The following CCDC148 variants were observed in gnomAD, a reference collection of about 807,000 sequenced individuals.
CCDC148 encodes coiled-coil domain containing 148.
In CCDC148, 89 loss-of-function variants were observed where a neutral mutation model predicts 85.7. That is an observed-to-expected ratio of 1.04 (90% CI 0.87 to 1.24). The LOEUF (loss-of-function observed/expected upper bound fraction) is 1.24. Ranked by LOEUF, CCDC148 falls within the 50% of genes most tolerant of loss-of-function variation. CCDC148 has a pLI of 0.00. For synonymous variants in CCDC148, 230 were observed against 213.9 expected, an observed-to-expected ratio of 1.08 and a Z score of -0.66; for missense variants, 692 against 671.7, an observed-to-expected ratio of 1.03 and a Z score of -0.33.
At chr2:158,319,571 T>A (rs1391572695) in intron 7 of CCDC148, among the ~76,000 whole-genome samples, 1 of 152,194 alleles carries the variant, frequency 6.6e-6, no homozygotes, top group Non-Finnish European at 1.5e-5. Flanking sequence ...ACACCAGACC[T>A]CACTGTACTT....
At chr2:158,223,985 G>A (rs1574436162) in intron 10 of CCDC148, among the ~76,000 whole-genome samples, 1 of 152,246 alleles carries the variant, frequency 6.6e-6, no homozygotes, top group Non-Finnish European at 1.5e-5. Context: ...ACTTTGACGA[G>A]TTGAGAGAAG....
At chr2:158,357,237 A>G (rs942099577) in intron 2 of CCDC148, among the ~76,000 whole-genome samples, 5 of 151,260 alleles carry the variant, frequency 3.3e-5, no homozygotes, top group African/African-American at 1.2e-4. Context: ...AATAAAAAAT[A>G]AAAAAAAAGA....
intron 11 of CCDC148, among the ~76,000 whole-genome samples, chr2:158,217,578 A>G (rs1686954243): frequency 6.6e-6 from 1 of 151,422 alleles, no homozygotes; most frequent in Non-Finnish European, 1.5e-5. Flanking sequence ...AATTTTTTGT[A>G]CTTTTTTAGT....
At position 158,233,961 on chromosome 2, in the gene CCDC148, A is replaced by T. The variant is rs1405334955; in HGVS notation, c.1252-13248T>A. Reference sequence around the variant, plus strand: ...GGGAGGCCGAGGTGGGTGGAGCACGAGGTCAAGAGACAGAGACCATCCTGG... The same window carrying T: ...GGGAGGCCGAGGTGGGTGGAGCACGTGGTCAAGAGACAGAGACCATCCTGG... On this transcript the variant is annotated intron_variant, in intron 10 of 13. Coordinates refer to ENST00000283233, the MANE Select transcript of CCDC148 (RefSeq NM_138803.4). Among the ~76,000 whole-genome samples, 2 of 152,096 alleles carry T rather than the reference A, an allele frequency of 1.3e-5. 1 individual carries two copies. Among genetic ancestry groups the T allele is most frequent in the Middle Eastern group, 6.3e-3 (2 of 316 alleles).
chr2:158,216,735 C>T (rs985298492), intron 11 of CCDC148, among the ~76,000 whole-genome samples: 2 of 152,084 alleles, frequency 1.3e-5, no homozygotes, highest in African/African-American at 4.8e-5. Flanking sequence ...GGTGAGGGCT[C>T]TCTTTCTGGC....
intron 1 of CCDC148, among the ~76,000 whole-genome samples, chr2:158,361,175 T>C (rs1574693560): frequency 6.8e-6 from 1 of 147,078 alleles, no homozygotes; most frequent in East Asian, 2.0e-4. Flanking sequence ...TGGGACTATG[T>C]GAAAAGACCA....
chr2:158,375,434 A>G (rs970841943), intron 1 of CCDC148, among the ~76,000 whole-genome samples: 1 of 152,144 alleles, frequency 6.6e-6, no homozygotes, highest in African/African-American at 2.4e-5. Flanking sequence ...TACAAGCTTG[A>G]TAATTAAAAG....
intron 9 of CCDC148, among the ~76,000 whole-genome samples, chr2:158,297,415 C>A (rs1175241802): frequency 1.3e-5 from 2 of 152,090 alleles, no homozygotes; most frequent in South Asian, 4.1e-4. Flanking sequence ...GATGGATGAG[C>A]TTTTTGTGAT....
chr2:158,330,833 T>C (rs1341479022), intron 7 of CCDC148, among the ~76,000 whole-genome samples: 1 of 152,210 alleles, frequency 6.6e-6, no homozygotes. Context: ...GTAGTTTGTA[T>C]TTCTGTGAGA....
chr2:158,251,413 G>A (rs576199079), intron 9 of CCDC148, among the ~76,000 whole-genome samples: 48 of 151,802 alleles, frequency 3.2e-4, no homozygotes, highest in Non-Finnish European at 6.0e-4. Flanking sequence ...GTACTGGTAT[G>A]TGTTATTGGC....
chr2:158,337,152 T>C (rs530715085), intron 7 of CCDC148, among the ~76,000 whole-genome samples: 1 of 152,288 alleles, frequency 6.6e-6, no homozygotes, highest in Admixed American at 6.5e-5. Context: ...GAATAACTCT[T>C]ACTGGAAGAA....
At chr2:158,174,849 T>A (rs80278292) in intron 13 of CCDC148, among the ~76,000 whole-genome samples, 2,709 of 152,132 alleles carry the variant, frequency 0.018, 92 homozygotes, top group African/African-American at 0.062. Flanking sequence ...TCAATTATAA[T>A]CTTAAGGGAC....
At chr2:158,242,206 G>A (rs1688378506) in intron 10 of CCDC148, among the ~76,000 whole-genome samples, 1 of 152,116 alleles carries the variant, frequency 6.6e-6, no homozygotes, top group African/African-American at 2.4e-5. Context: ...CATGACAATA[G>A]TTTCTGAATC....
chr2:158,306,498 A>G (rs961004994), intron 9 of CCDC148, among the ~76,000 whole-genome samples: 2 of 152,220 alleles, frequency 1.3e-5, no homozygotes, highest in African/African-American at 2.4e-5. Flanking sequence ...CTATGCAGCC[A>G]TAAAAAAGGA....
intron 9 of CCDC148, among the ~76,000 whole-genome samples, chr2:158,257,377 C>T (rs1010959424): frequency 2.6e-5 from 4 of 151,790 alleles, no homozygotes; most frequent in Non-Finnish European, 5.9e-5. Flanking sequence ...TTTAAATTTT[C>T]ATTTTATTAA....
intron 10 of CCDC148, among the ~76,000 whole-genome samples, chr2:158,231,137 C>T (rs1281512433): frequency 1.3e-5 from 2 of 152,046 alleles, no homozygotes; most frequent in Non-Finnish European, 2.9e-5. Flanking sequence ...AAGGAGATAG[C>T]CACATAAACA....
intron 11 of CCDC148, among the ~76,000 whole-genome samples, chr2:158,200,890 T>TA (rs1449437973): frequency 1.3e-5 from 2 of 152,186 alleles, no homozygotes; most frequent in East Asian, 1.9e-4. Flanking sequence ...CATTAGGAAA[T>TA]AAAAAATGTT....
At chr2:158,271,250 A>G (rs1295640159) in intron 9 of CCDC148, among the ~76,000 whole-genome samples, 1 of 152,194 alleles carries the variant, frequency 6.6e-6, no homozygotes, top group African/African-American at 2.4e-5. Context: ...CTAAATGAAT[A>G]CCTTGCAATA....
chr2:158,282,212 T>A (rs1021866995), intron 9 of CCDC148, among the ~76,000 whole-genome samples: 2 of 152,070 alleles, frequency 1.3e-5, no homozygotes, highest in Non-Finnish European at 2.9e-5. Context: ...CTTTGAAAAC[T>A]GGCACAAGAC....
Sources: gnomAD v4.1 joint callset for allele counts (sites outside exome capture counted in the v4.1 genomes callset) on GRCh38, gnomAD v4.1.1 for gene constraint, MANE v1.5 for transcripts, NCBI Gene and HGNC (gene_info 2026-07-23, HGNC 2026-07-21) for gene names.